The following CSMD2 variants were observed in gnomAD, a reference collection of about 807,000 sequenced individuals.
CSMD2 encodes the protein CUB and sushi domain-containing protein 2.
A neutral mutation model predicts 398.5 loss-of-function variants in CSMD2; 130 were observed. The ratio of observed to expected loss-of-function variants is 0.33; its 90% CI spans 0.28 to 0.38. The LOEUF is 0.38. Ranked by LOEUF, CSMD2 falls within the 10% of genes least tolerant of loss-of-function variation. CSMD2 has a pLI of 1.00. For synonymous variants in CSMD2, 1,828 were observed against 1,908.5 expected (o/e 0.96, Z 1.10); for missense variants, 3,829 against 4,764.9 (o/e 0.80, Z 5.78).
chr1:33,908,103 AAAAAG>A (rs2125254802), intron 5 of CSMD2, among the ~76,000 whole-genome samples: 1 of 145,024 alleles, frequency 6.9e-6, no homozygotes, highest in South Asian at 2.1e-4. Flanking sequence ...AAAAAAAAAA[AAAAAG>A]AAAAGTAAAA....
At chr1:34,030,829 G>A (rs1039126272) in intron 3 of CSMD2, among the ~76,000 whole-genome samples, 6 of 152,164 alleles carry the variant, frequency 3.9e-5, no homozygotes, top group African/African-American at 9.7e-5. Context: ...GTCACTCCCA[G>A]CATCTTTGCT....
intron 15 of CSMD2, among the ~76,000 whole-genome samples, chr1:33,728,367 T>C (rs980098113): frequency 1.3e-5 from 2 of 152,088 alleles, no homozygotes; most frequent in African/African-American, 4.8e-5. Context: ...TCAAGAATTA[T>C]CTAAAATAGT....
intron 2 of CSMD2, among the ~76,000 whole-genome samples, chr1:34,088,439 G>C (rs776131013): frequency 1.3e-4 from 20 of 152,220 alleles, no homozygotes; most frequent in Non-Finnish European, 2.2e-4. Flanking sequence ...TCAGCTCAGG[G>C]GTACAGGAAG....
chr1:33,766,157 C>G (rs1208719707), intron 13 of CSMD2, among the ~76,000 whole-genome samples: 1 of 152,180 alleles, frequency 6.6e-6, no homozygotes, highest in Non-Finnish European at 1.5e-5. Context: ...ATTACAAACC[C>G]AAGTACCCAG....
intron 5 of CSMD2, among the ~76,000 whole-genome samples, chr1:33,889,459 T>G (rs1206799955): frequency 6.6e-6 from 1 of 152,220 alleles, no homozygotes; most frequent in African/African-American, 2.4e-5. Context: ...GGCACAGTCT[T>G]TCTGGAGTAC....
chr1:33,588,939 G>C (rs567836360), intron 44 of CSMD2, among the ~76,000 whole-genome samples: 1 of 152,134 alleles, frequency 6.6e-6, no homozygotes, highest in Non-Finnish European at 1.5e-5. Flanking sequence ...CCAAAAGTCC[G>C]CATGGGATTC....
chr1:33,977,867 G>GA (rs1311410384), intron 3 of CSMD2, among the ~76,000 whole-genome samples: 2 of 151,970 alleles, frequency 1.3e-5, no homozygotes, highest in African/African-American at 2.4e-5. Context: ...CATTAAATTA[G>GA]AAAAAAATCG....
intron 25 of CSMD2, among the ~76,000 whole-genome samples, chr1:33,670,606 G>A (rs974994851): frequency 6.6e-6 from 1 of 152,164 alleles, no homozygotes; most frequent in African/African-American, 2.4e-5. Flanking sequence ...CAGAACCTGG[G>A]CCAGAGCTCA....
chr1:34,091,955 T>TA (rs1658618670), intron 1 of CSMD2, among the ~76,000 whole-genome samples: 1 of 152,180 alleles, frequency 6.6e-6, no homozygotes, highest in East Asian at 1.9e-4. Context: ...TTGTAGATGA[T>TA]ACATTAATAT....
chr1:33,643,896 A>G (rs1465504803), intron 29 of CSMD2, among the ~76,000 whole-genome samples: 3 of 110,492 alleles, frequency 2.7e-5, no homozygotes, highest in African/African-American at 1.1e-4. Flanking sequence ...GAATGAAGGA[A>G]GGAAGGAAGG....
At chr1:33,996,970 T>C (rs908640406) in intron 3 of CSMD2, among the ~76,000 whole-genome samples, 3 of 152,232 alleles carry the variant, frequency 2.0e-5, no homozygotes, top group African/African-American at 7.2e-5. Flanking sequence ...GAGAGAATTA[T>C]TCTGCACATG....
chr1:33,633,795 A>G lies in CSMD2; in HGVS notation c.5087-260T>C, dbSNP rs1642620923. On this transcript the variant is annotated intron_variant, in intron 31 of 70. Transcript: ENST00000373381. The surrounding 1 kb of genome is among the most constrained non-coding windows in gnomAD (Gnocchi z 5.0). ...ACATGGAGGGCTGCACCCAAAGGTC[A>G]GGCGGGTAGAGGCGAAATGGAGCCA... is the stretch of plus-strand genomic sequence containing the variant. Among the ~76,000 whole-genome samples, 1 of 152,208 alleles carries G rather than the reference A, an allele frequency of 6.6e-6. No homozygotes were observed. Among genetic ancestry groups the G allele is most frequent in the African/African-American group, 2.4e-5 (1 of 41,472 alleles).
chr1:33,667,172 G>A (rs1202528604), intron 25 of CSMD2, among the ~76,000 whole-genome samples: 3 of 152,190 alleles, frequency 2.0e-5, no homozygotes, highest in African/African-American at 4.8e-5. Context: ...GACTCTAGAG[G>A]CCATGTGAAA....
At chr1:33,536,492 G>C (rs772925210) in intron 62 of CSMD2, among the ~76,000 whole-genome samples, 3 of 152,202 alleles carry the variant, frequency 2.0e-5, no homozygotes, top group Non-Finnish European at 4.4e-5. Context: ...CAAAGTGCTG[G>C]GATTACAGGC....
Position 33,582,558 on chromosome 1 carries a change from C to T in CSMD2, c.7240+1084G>A, listed in dbSNP as rs188511428. ...TAATTGTATATAGTAGTTGTTCCTACCGTTCTTCCCCCAAAAGACCTACTA... is the reference window on the plus strand; with the variant it reads ...TAATTGTATATAGTAGTTGTTCCTATCGTTCTTCCCCCAAAAGACCTACTA... On this transcript the variant is annotated intron_variant, in intron 47 of 70. Transcript: ENST00000373381. Among the ~76,000 whole-genome samples the T allele has an allele frequency of 2.9e-4, 44 of 152,256 alleles. 1 individual carries two copies. Among genetic ancestry groups the T allele is most frequent in the Admixed American group, 1.8e-3 (27 of 15,296 alleles).
intron 2 of CSMD2, among the ~76,000 whole-genome samples, chr1:34,087,734 T>C (rs1658066922): frequency 6.6e-6 from 1 of 152,092 alleles, no homozygotes; most frequent in African/African-American, 2.4e-5. Context: ...GATATTTCCA[T>C]GCCTGCCTCC....
At chr1:33,910,890 T>C (rs1271419423) in intron 5 of CSMD2, among the ~76,000 whole-genome samples, 10 of 152,212 alleles carry the variant, frequency 6.6e-5, no homozygotes, top group Non-Finnish European at 1.3e-4. Context: ...GCACATTCCC[T>C]TTGTAGCGTG....
In CSMD2 at chr1:33,636,689, C is replaced by A; in HGVS notation, c.4775-135G>T. On this transcript the variant is annotated intron_variant, in intron 29 of 70. Transcript: ENST00000373381. The surrounding 1 kb of genome is among the most constrained non-coding windows in gnomAD (Gnocchi z 4.8). Reference sequence around the variant, plus strand: ...ACACGGGGATGCGTGACTGTGGCTCCTATTCCCCTCAGGTCTAGAAACGTC... The same window carrying A: ...ACACGGGGATGCGTGACTGTGGCTCATATTCCCCTCAGGTCTAGAAACGTC... The A allele has an allele frequency of 1.5e-6, 1 of 665,444 alleles. No homozygotes were observed. The allele number at this position is 665,444 out of a possible 1,614,324, so 41.2% of individuals were successfully genotyped here.
chr1:33,567,721 T>C lies in CSMD2; in HGVS notation c.8252A>G (p.Asn2751Ser), dbSNP rs762743140. The C allele has an allele frequency of 5.6e-6, 9 of 1,614,026 alleles. No homozygotes were observed. The highest frequency in any genetic ancestry group is 2.2e-5 in the East Asian group (1 of 44,882). The change falls in exon 53 of 71, where the codon AAT (asparagine) becomes AGT (serine). Residue 2751 changes from asparagine (N) to serine (S), a missense_variant. Physicochemically the swap from Asn to Ser is conservative, Grantham distance 46 (BLOSUM62 1). Coordinates refer to ENST00000373381, the MANE Select transcript of CSMD2 (RefSeq NM_001281956.2). ...TPEPIVNGHI[N>S]GENYSYRGSV... ...GCCCCGGTAGCTGTAGTTCTCCCCA[T>C]TGATGTGTCCGTTGACAATGGGCTC...
Sources: allele counts gnomAD v4.1 joint callset (sites outside exome capture counted in the v4.1 genomes callset), GRCh38; gene constraint gnomAD v4.1.1; non-coding constraint Gnocchi (gnomAD v3.1); transcripts MANE v1.5; gene names NCBI Gene and HGNC (gene_info 2026-07-23, HGNC 2026-07-21).